The following TMEM135 variants were observed in gnomAD, a reference collection of about 807,000 sequenced individuals.
TMEM135 encodes peroxisomal membrane protein 52.
A neutral mutation model predicts 60.3 loss-of-function variants in TMEM135; 30 were observed. That is an observed-to-expected ratio of 0.50 (90% confidence interval 0.37 to 0.68). TMEM135 has a LOEUF of 0.68. Ranked by LOEUF, TMEM135 falls within the 30% of genes least tolerant of loss-of-function variation. TMEM135 has a pLI of 0.00. For missense variants in TMEM135, 468 were observed against 548.8 expected (o/e 0.85, Z 1.47); for synonymous variants, 190 against 186.7 (o/e 1.02, Z -0.14).
intron 3 of TMEM135, among the ~76,000 whole-genome samples, chr11:87,087,327 C>G (rs1403823960): frequency 1.3e-5 from 2 of 151,452 alleles, no homozygotes; most frequent in Admixed American, 6.6e-5. Flanking sequence ...TATGGGCACC[C>G]CATTTATTCT....
At chr11:87,319,162 C>A (rs1208910402) in intron 13 of TMEM135, 148 bp from the exon 14 acceptor site, 1 of 706,818 alleles carries the variant, frequency 1.4e-6, no homozygotes, top group Non-Finnish European at 2.5e-6. Flanking sequence ...AGCCACCGTG[C>A]CCAGCCAAAA....
At chr11:87,243,665 T>G (rs201100584) in intron 6 of TMEM135, among the ~76,000 whole-genome samples, 811 of 54,076 alleles carry the variant, frequency 0.015, 23 homozygotes, top group Middle Eastern at 0.068. Flanking sequence ...GTCTGTTATT[T>G]GTGTATAAGA....
chr11:87,061,196 T>C (rs1340982485), intron 1 of TMEM135, among the ~76,000 whole-genome samples: 2 of 152,230 alleles, frequency 1.3e-5, no homozygotes, highest in Admixed American at 1.3e-4. Flanking sequence ...ATTCAAAATA[T>C]ATAAATTCAT....
chr11:87,242,148 A>G (rs1370799004), intron 6 of TMEM135, among the ~76,000 whole-genome samples: 2 of 151,134 alleles, frequency 1.3e-5, no homozygotes, highest in East Asian at 3.9e-4. Context: ...GATGATTTCC[A>G]ATTTCATCCA....
chr11:87,043,819 G>T (rs1195709501), intron 1 of TMEM135, among the ~76,000 whole-genome samples: 1 of 152,042 alleles, frequency 6.6e-6, no homozygotes, highest in Non-Finnish European at 1.5e-5. Context: ...GGCAAATTTA[G>T]AATATACAGT....
chr11:87,322,848 A>G lies in TMEM135; in HGVS notation c.*1515A>G, dbSNP rs969190234. ...CTTTATCATTTGGTCAAAATTTGGCATTATGATTAGCTTTGTAGAACTGAC... is the reference window on the plus strand; with the variant it reads ...CTTTATCATTTGGTCAAAATTTGGCGTTATGATTAGCTTTGTAGAACTGAC... On this transcript the variant is annotated 3_prime_UTR_variant, in exon 15 of 15. Coordinates refer to ENST00000305494, the MANE Select transcript of TMEM135 (RefSeq NM_022918.4). 78 of 454,490 alleles carry G rather than the reference A, an allele frequency of 1.7e-4. No individual in the cohort carries two copies. The highest frequency in any genetic ancestry group is 1.4e-3 in the African/African-American group (72 of 50,140). 28.2% of individuals were successfully genotyped at this position (454,490 alleles called of 1,614,324 possible). A position where few individuals can be genotyped will look rare whatever the true frequency, so the allele number is the denominator to read the frequency against.
intron 5 of TMEM135, among the ~76,000 whole-genome samples, chr11:87,224,724 T>A (rs1295064293): frequency 6.6e-6 from 1 of 151,772 alleles, no homozygotes; most frequent in African/African-American, 2.4e-5. Context: ...TATAGCACCT[T>A]TCTTCTCCTT....
intron 6 of TMEM135, among the ~76,000 whole-genome samples, chr11:87,272,620 C>G (rs1257492141): frequency 1.4e-5 from 2 of 138,144 alleles, no homozygotes; most frequent in Non-Finnish European, 3.3e-5. Flanking sequence ...GCCACCATGC[C>G]TGGCTAACTT....
chr11:87,095,264 T>TAAC (rs1857297658), intron 4 of TMEM135: 1 of 185,190 alleles, frequency 5.4e-6, no homozygotes, highest in Non-Finnish European at 1.2e-5. Flanking sequence ...CTTCAAATAT[T>TAAC]AACATTCTGG....
chr11:87,107,596 A>G (rs1322063584), intron 4 of TMEM135, among the ~76,000 whole-genome samples: 1 of 152,088 alleles, frequency 6.6e-6, no homozygotes, highest in African/African-American at 2.4e-5. Context: ...ACATGAACTC[A>G]TCTTTTTTAT....
rs1215524104 is a variant in TMEM135, at chr11:87,323,722, T to G, written c.*2389T>G. 2.2e-6 allele frequency: 1 copy of G among 453,578 alleles called. No homozygotes were observed. The allele number at this position is 453,578 out of a possible 1,614,324, so 28.1% of individuals were successfully genotyped here. ...TTCTGTTTTAATAAAATCCTAGAAC[T>G]AGTAGCAACCGAGTAAAGATTGAGT... On this transcript the variant is annotated 3_prime_UTR_variant, in exon 15 of 15. Coordinates refer to ENST00000305494, the MANE Select transcript of TMEM135 (RefSeq NM_022918.4).
At chr11:87,208,421 AT>A (rs1940285885) in intron 5 of TMEM135, among the ~76,000 whole-genome samples, 2 of 152,190 alleles carry the variant, frequency 1.3e-5, no homozygotes, top group Non-Finnish European at 1.5e-5. Context: ...TCAAAATACA[AT>A]TGGAAGCACT....
intron 6 of TMEM135, among the ~76,000 whole-genome samples, chr11:87,286,599 G>A (rs1643932551): frequency 6.6e-6 from 1 of 152,234 alleles, no homozygotes; most frequent in Admixed American, 6.5e-5. Context: ...GGCTGGGGCT[G>A]TGTGGGAGCA....
At chr11:87,312,948 C>T (rs1484859944) in intron 10 of TMEM135, among the ~76,000 whole-genome samples, 1 of 151,898 alleles carries the variant, frequency 6.6e-6, no homozygotes, top group African/African-American at 2.4e-5. Context: ...GTGTCATATT[C>T]CTTCTACCTT....
chr11:87,319,241 C>G, intron 13 of TMEM135, 69 bp from the exon 14 acceptor site: 1 of 1,246,246 alleles, frequency 8.0e-7, no homozygotes, highest in Non-Finnish European at 1.2e-6. Flanking sequence ...ATCAATACAC[C>G]TTTGTGTATT....
At chr11:87,250,878 G>T (rs898690671) in intron 6 of TMEM135, among the ~76,000 whole-genome samples, 1 of 152,162 alleles carries the variant, frequency 6.6e-6, no homozygotes, top group Non-Finnish European at 1.5e-5. Context: ...TTGGGATTTG[G>T]AGGGAGTATA....
chr11:87,155,937 AG>A (rs1443745361), intron 4 of TMEM135, among the ~76,000 whole-genome samples: 2 of 152,208 alleles, frequency 1.3e-5, no homozygotes, highest in Non-Finnish European at 2.9e-5. Context: ...TTCTATCTAT[AG>A]TAACAATGGG....
At chr11:87,188,472 T>C (rs1368983396) in intron 5 of TMEM135, among the ~76,000 whole-genome samples, 2 of 151,924 alleles carry the variant, frequency 1.3e-5, no homozygotes, top group East Asian at 3.9e-4. Flanking sequence ...GAGACTGAGG[T>C]GGGTGGATCA....
chr11:87,205,231 T>C (rs1311660805), intron 5 of TMEM135, among the ~76,000 whole-genome samples: 1 of 152,138 alleles, frequency 6.6e-6, no homozygotes, highest in Non-Finnish European at 1.5e-5. Context: ...CATGGGAGCA[T>C]GATTGAAACA....
Sources: gnomAD v4.1 joint callset for allele counts (sites outside exome capture counted in the v4.1 genomes callset) on GRCh38, gnomAD v4.1.1 for gene constraint, MANE v1.5 for transcripts, NCBI Gene and HGNC (gene_info 2026-07-23, HGNC 2026-07-21) for gene names.